RFXAP: variants seen among roughly 807,000 people sequenced by gnomAD.
The protein encoded by RFXAP is regulatory factor X associated protein.
In RFXAP, 21 loss-of-function variants were observed where a neutral mutation model predicts 25.7. The ratio of observed to expected loss-of-function variants is 0.82; its 90% CI spans 0.58 to 1.18. The LOEUF (loss-of-function observed/expected upper bound fraction) is 1.18. RFXAP is among the 50% of genes most tolerant of loss of function. RFXAP has a pLI of 0.00. For synonymous variants in RFXAP, 161 were observed against 152.2 expected, an observed-to-expected ratio of 1.06 and a Z score of -0.43; for missense variants, 333 against 363.0, an observed-to-expected ratio of 0.92 and a Z score of 0.67.
chr13:36,820,035 C>T (rs956900562), intron 1 of RFXAP, 78 bp downstream of exon 1: 2 of 1,561,994 alleles, frequency 1.3e-6, no homozygotes, highest in African/African-American at 2.7e-5. Flanking sequence ...ATCTGCAGGG[C>T]CTGCCTCCCC....
chr13:36,825,078 G>A (rs1005874654), intron 1 of RFXAP, among the ~76,000 whole-genome samples: 4 of 152,136 alleles, frequency 2.6e-5, no homozygotes, highest in Admixed American at 6.5e-5. Flanking sequence ...GGCATTTTTT[G>A]TAATATTGAA....
chr13:36,825,317 C>A, intron 1 of RFXAP, 111 bp from the exon 2 acceptor site: 1 of 815,056 alleles, frequency 1.2e-6, no homozygotes. Flanking sequence ...AGAGACTGGG[C>A]AAGAAGAAGG....
intron 1 of RFXAP, among the ~76,000 whole-genome samples, chr13:36,820,657 G>C (rs1289836261): frequency 6.6e-6 from 1 of 152,004 alleles, no homozygotes; most frequent in South Asian, 2.1e-4. Context: ...TACCCCTGAG[G>C]GGGGAAAAAA....
Position 36,828,322 on chromosome 13 carries a change from A to AG in RFXAP, c.*569_*570insG, listed in dbSNP as rs2057984983. ...CACCTATAATTGGGTTCTCTTAATA[A>AG]CCTTTCTTTGCAGTTAAGACTGAAG... On this transcript the variant is annotated 3_prime_UTR_variant, in exon 3 of 3. Transcript: ENST00000255476. 1.3e-5 allele frequency: 2 copies of AG among 152,918 alleles called. No individual in the cohort carries two copies. The highest frequency in any genetic ancestry group is 4.8e-5 in the African/African-American group (2 of 41,456). The allele number at this position is 152,918 out of a possible 1,614,324, so 9.5% of individuals were successfully genotyped here.
chr13:36,823,273 A>G (rs1047112524), intron 1 of RFXAP, among the ~76,000 whole-genome samples: 2 of 152,260 alleles, frequency 1.3e-5, no homozygotes, highest in African/African-American at 4.8e-5. Context: ...ATAAAAGGAA[A>G]GAGAAGCACA....
chr13:36,820,071 G>A (rs1293459954), intron 1 of RFXAP, 114 bp downstream of exon 1: 11 of 1,452,208 alleles, frequency 7.6e-6, no homozygotes, highest in Non-Finnish European at 1.0e-5. Flanking sequence ...GGTTTGCAGT[G>A]ACTGGGTTAG....
intron 1 of RFXAP, among the ~76,000 whole-genome samples, chr13:36,822,314 C>G (rs1177907275): frequency 1.3e-5 from 2 of 152,114 alleles, no homozygotes; most frequent in Non-Finnish European, 2.9e-5. Context: ...TGGTCTCGAA[C>G]TCCTGATCCT....
chr13:36,823,974 A>C (rs890232120), intron 1 of RFXAP, among the ~76,000 whole-genome samples: 9 of 152,192 alleles, frequency 5.9e-5, no homozygotes, highest in African/African-American at 1.9e-4. Flanking sequence ...CTAACATTCT[A>C]CCGAAATGTT....
Position 36,819,933 on chromosome 13 carries a change from C to T in RFXAP, c.576C>T (p.Gly192=). The change falls in exon 1 of 3, where the codon GGC becomes GGT. Residue 192 remains glycine (G), a synonymous_variant. Coordinates refer to ENST00000255476, the MANE Select transcript of RFXAP (RefSeq NM_000538.4). The part of the protein sequence containing the change: ...ALNCGGTAST[G]SAGNVKLEES... ...ACTGCGGTGGGACTGCCTCGACTGG[C>T]AGCGCGGGAAACGTCAAACTCGAGG... 6.2e-7 allele frequency: 1 copy of T among 1,613,860 alleles called. No homozygotes were observed. Among genetic ancestry groups the T allele is most frequent in the Non-Finnish European group, 8.5e-7 (1 of 1,179,934 alleles).
In RFXAP at chr13:36,827,801, G is replaced by C. The variant is rs1366855577; in HGVS notation, c.*48G>C. 2.8e-6 allele frequency: 4 copies of C among 1,416,902 alleles called. No homozygotes were observed. The highest frequency in any genetic ancestry group is 1.7e-4 in the Middle Eastern group (1 of 5,728). 87.8% of individuals were successfully genotyped at this position (1,416,902 alleles called of 1,614,324 possible). A position where few individuals can be genotyped will look rare whatever the true frequency, so the allele number is the denominator to read the frequency against. On this transcript the variant is annotated 3_prime_UTR_variant, in exon 3 of 3. Coordinates refer to ENST00000255476, the MANE Select transcript of RFXAP (RefSeq NM_000538.4). ...CATGGTTTTTTATCTTATTGTAATAGATGAGCATATTTTTTTACCAGACAT... is the reference window on the plus strand; with the variant it reads ...CATGGTTTTTTATCTTATTGTAATACATGAGCATATTTTTTTACCAGACAT...
At chr13:36,821,872 A>G (rs539881322) in intron 1 of RFXAP, among the ~76,000 whole-genome samples, 1 of 152,120 alleles carries the variant, frequency 6.6e-6, no homozygotes, top group Non-Finnish European at 1.5e-5. Flanking sequence ...ATACTAATTA[A>G]TGGGCTCAGG....
chr13:36,822,989 A>C (rs1217815570), intron 1 of RFXAP, among the ~76,000 whole-genome samples: 3 of 152,244 alleles, frequency 2.0e-5, no homozygotes, highest in African/African-American at 7.2e-5. Context: ...AACGTGACTC[A>C]GTATAAACCA....
At chr13:36,824,129 T>TA (rs1222155011) in intron 1 of RFXAP, among the ~76,000 whole-genome samples, 1 of 152,204 alleles carries the variant, frequency 6.6e-6, no homozygotes, top group East Asian at 1.9e-4. Context: ...CAAGCTTCTT[T>TA]ATCTAATTCA....
In RFXAP at chr13:36,819,369, G is replaced by A. The variant is rs1386955165; in HGVS notation, c.12G>A (p.Gln4=). The A allele has an allele frequency of 7.8e-7, 1 of 1,274,066 alleles. No homozygotes were observed. The highest frequency in any genetic ancestry group is 1.6e-5 in the African/African-American group (1 of 64,498). The allele number at this position is 1,274,066 out of a possible 1,614,324, so 78.9% of individuals were successfully genotyped here. The part of the protein sequence containing the change: MEA[Q]GVAEGAGPGA... Reference sequence around the variant, plus strand: ...CAGGTCTTAGCAGCATGGAGGCGCAGGGTGTAGCGGAGGGCGCGGGGCCGG... The same window carrying A: ...CAGGTCTTAGCAGCATGGAGGCGCAAGGTGTAGCGGAGGGCGCGGGGCCGG... The change falls in exon 1 of 3, where the codon CAG becomes CAA. Residue 4 remains glutamine (Q), a synonymous_variant. Coordinates refer to ENST00000255476, the MANE Select transcript of RFXAP (RefSeq NM_000538.4).
At chr13:36,827,432 T>A (rs1347346899) in intron 2 of RFXAP, among the ~76,000 whole-genome samples, 1 of 152,196 alleles carries the variant, frequency 6.6e-6, no homozygotes, top group African/African-American at 2.4e-5. Flanking sequence ...TCACCCGTTA[T>A]TTTTAGGTTT....
chr13:36,827,085 T>C (rs905372230), intron 2 of RFXAP, among the ~76,000 whole-genome samples: 2 of 152,168 alleles, frequency 1.3e-5, no homozygotes, highest in Admixed American at 1.3e-4. Flanking sequence ...TTGGATGTTT[T>C]AGAGCAGTTA....
Position 36,825,438 on chromosome 13 carries a change from A to G in RFXAP, c.611A>G (p.Asp204Gly). The change falls in exon 2 of 3, where the codon GAT becomes GGT. Residue 204 changes from aspartate to glycine, a missense_variant. Transcript: ENST00000255476. ...TATCATTTATCCCAGGAAAGTGCAG[A>G]TAACATACTCTCCATTGTTAAACAA... ...AGNVKLEESA[D>G]NILSIVKQRT... The G allele has an allele frequency of 6.2e-7, 1 of 1,611,164 alleles. No homozygotes were observed. The highest frequency in any genetic ancestry group is 8.5e-7 in the Non-Finnish European group (1 of 1,177,970).
chr13:36,825,548 T>C lies in RFXAP; in HGVS notation c.708+13T>C, dbSNP rs1159381746. The C allele has an allele frequency of 6.4e-6, 10 of 1,562,756 alleles. No individual in the cohort carries two copies. The Admixed American group carries it at 8.4e-5, about 13-fold the overall frequency. ...TCAAAAAAGACTGGTAAATATCTGT[T>C]TGTAAATCAGTTATAAATGTGTTAA... On this transcript the variant is annotated intron_variant, in intron 2 of 2. Transcript: ENST00000255476.
rs527311083 is a variant in RFXAP at position 36,819,253 on chromosome 13, C to A, written c.-105C>A. The A allele has an allele frequency of 7.5e-4, 852 of 1,138,796 alleles. 2 individuals are homozygous for A. Among genetic ancestry groups the A allele is most frequent in the Non-Finnish European group, 8.6e-4 (785 of 909,080 alleles). The allele number at this position is 1,138,796 out of a possible 1,614,324, so 70.5% of individuals were successfully genotyped here. ...AGTCGGGGCGCCTTCCCGGTATAGG[C>A]GCCTTTTACCCCAGCGTGTCCTGAG... On this transcript the variant is annotated 5_prime_UTR_variant, in exon 1 of 3. Coordinates refer to ENST00000255476, the MANE Select transcript of RFXAP (RefSeq NM_000538.4).
Sources: allele counts gnomAD v4.1 joint callset (sites outside exome capture counted in the v4.1 genomes callset), GRCh38; gene constraint gnomAD v4.1.1; transcripts MANE v1.5; gene names NCBI Gene and HGNC (gene_info 2026-07-23, HGNC 2026-07-21).